PROM2: variants seen among roughly 807,000 people sequenced by gnomAD.
PROM2 encodes the protein prominin 2.
Under a neutral mutation model 110.2 loss-of-function variants are expected in PROM2, and 90 were observed. The ratio of observed to expected loss-of-function variants is 0.82; its 90% CI spans 0.69 to 0.97. The LOEUF is 0.97. PROM2 is among the 50% of genes least tolerant of loss of function. PROM2 has a pLI of 0.00. For missense variants in PROM2, 1,009 were observed against 1,074.8 expected, an observed-to-expected ratio of 0.94 and a Z score of 0.86; for synonymous variants, 470 against 467.8, an observed-to-expected ratio of 1.00 and a Z score of -0.06.
At chr2:95,280,908 A>C (rs1465396430) in intron 11 of PROM2, among the ~76,000 whole-genome samples, 5 of 151,924 alleles carry the variant, frequency 3.3e-5, no homozygotes, top group Admixed American at 6.6e-5. Context: ...CTGTCCTCCC[A>C]CCTCAACCTC....
intron 8 of PROM2, 181 bp from the exon 9 acceptor site, chr2:95,278,540 C>G (rs192078263): frequency 1.5e-6 from 1 of 687,664 alleles, no homozygotes; most frequent in Non-Finnish European, 2.6e-6. Flanking sequence ...GGAGGAGCAA[C>G]GTTTTGGGAA....
chr2:95,287,704 T>C (rs185208215), intron 20 of PROM2, among the ~76,000 whole-genome samples: 1 of 152,290 alleles, frequency 6.6e-6, no homozygotes, highest in East Asian at 1.9e-4. Context: ...CTCCAAAATG[T>C]TTCATCACAC....
intron 20 of PROM2, among the ~76,000 whole-genome samples, chr2:95,287,859 G>C (rs1333821082): frequency 6.6e-6 from 1 of 152,176 alleles, no homozygotes; most frequent in Non-Finnish European, 1.5e-5. Flanking sequence ...CAGTGGTCTG[G>C]TTTTACCCTG....
chr2:95,276,158 A>G lies in PROM2; in HGVS notation c.497+26A>G. 6.2e-7 allele frequency: 1 copy of G among 1,612,066 alleles called. No homozygotes were observed. The highest frequency in any genetic ancestry group is 8.5e-7 in the Non-Finnish European group (1 of 1,178,908). On this transcript the variant is annotated intron_variant, in intron 3 of 23. Coordinates refer to ENST00000317620, the MANE Select transcript of PROM2 (RefSeq NM_001165978.3). The surrounding 1 kb of genome is among the most constrained non-coding windows in gnomAD (Gnocchi z 4.6). ...GTAAGGCGCTGCCCAGGGCCCGGGTAGGGCGGGCTGTGGCCCCCAGGCTCC... is the reference window on the plus strand; with the variant it reads ...GTAAGGCGCTGCCCAGGGCCCGGGTGGGGCGGGCTGTGGCCCCCAGGCTCC...
rs201105654 is a variant in PROM2 at position 95,274,801 on chromosome 2, G to A, written c.216G>A (p.Ser72=). 228 of 1,601,330 alleles carry A rather than the reference G, an allele frequency of 1.4e-4. No homozygotes were observed. In the East Asian group the frequency reaches 3.5e-3, roughly 25 times the overall value. Residue 72 remains serine (S), a synonymous_variant, in exon 1 of 24, where the codon TCG becomes TCA. Transcript: ENST00000317620. ...SLYGTVRRFL[S]VVQLNPFPSE... is the part of the protein sequence containing the mutation. ...ATGGCACCGTGCGCCGCTTCCTCTC[G>A]GTGGTGCAGCTCAATCCTTTCCCTT...
intron 11 of PROM2, among the ~76,000 whole-genome samples, chr2:95,280,840 C>A (rs1175615335): frequency 6.6e-6 from 1 of 152,170 alleles, no homozygotes; most frequent in Non-Finnish European, 1.5e-5. Context: ...GACATGGTCT[C>A]ACTTATTGCC....
Position 95,275,370 on chromosome 2 carries a change from A to G in PROM2, c.245-91A>G. 2.3e-6 allele frequency: 3 copies of G among 1,297,106 alleles called. No individual in the cohort carries two copies. Among genetic ancestry groups the G allele is most frequent in the Non-Finnish European group, 3.2e-6 (3 of 926,446 alleles). The allele number at this position is 1,297,106 out of a possible 1,614,324, so 80.3% of individuals were successfully genotyped here. A position where few individuals can be genotyped will look rare whatever the true frequency, so the allele number is the denominator to read the frequency against. On this transcript the variant is annotated intron_variant, in intron 1 of 23. Transcript: ENST00000317620. This position sits in a 1 kb window ranked among gnomAD's most constrained non-coding sequence, Gnocchi z 4.4. The stretch of plus-strand genomic sequence containing the variant: ...ATGGTGGTGGCAGGAGCCCTGCCTC[A>G]GAGCCACTTTGCCCTGGCAGTGGGG...
chr2:95,281,108 C>T (rs1188762090), intron 11 of PROM2, 134 bp from the exon 12 acceptor site: 3 of 1,234,264 alleles, frequency 2.4e-6, no homozygotes, highest in African/African-American at 3.0e-5. Context: ...GTCCTCCAAG[C>T]TCCTTTCCTC....
intron 10 of PROM2, 43 bp from the exon 11 acceptor site, chr2:95,279,802 G>T: frequency 7.3e-7 from 1 of 1,376,424 alleles, no homozygotes. Context: ...GTTGGTGCCA[G>T]CCACCTCCTT....
chr2:95,276,516 G>A lies in PROM2; in HGVS notation c.619-78G>A. 6.2e-7 allele frequency: 1 copy of A among 1,607,618 alleles called. No individual in the cohort carries two copies. Among genetic ancestry groups the A allele is most frequent in the Non-Finnish European group, 8.5e-7 (1 of 1,174,602 alleles). ...CTCAGGGTGGATGCCATAGGGGCAGGGAAGGGGCCAGGGAGAGAAGGGCGT... is the reference window on the plus strand; with the variant it reads ...CTCAGGGTGGATGCCATAGGGGCAGAGAAGGGGCCAGGGAGAGAAGGGCGT... On this transcript the variant is annotated intron_variant, in intron 4 of 23. Coordinates refer to ENST00000317620, the MANE Select transcript of PROM2 (RefSeq NM_001165978.3). This position sits in a 1 kb window ranked among gnomAD's most constrained non-coding sequence, Gnocchi z 4.6.
intron 15 of PROM2, among the ~76,000 whole-genome samples, 177 bp downstream of exon 15, chr2:95,285,292 C>T (rs1677287786): frequency 6.6e-6 from 1 of 152,180 alleles, no homozygotes; most frequent in South Asian, 2.1e-4. Context: ...GTCCTCCTGC[C>T]ACCACCCCGG....
chr2:95,288,513 A>T lies in PROM2; in HGVS notation c.2365A>T (p.Thr789Ser). The change falls in exon 22 of 24, where the codon ACC (threonine) becomes TCC (serine). Residue 789 changes from threonine to serine, a missense_variant. Coordinates refer to ENST00000317620, the MANE Select transcript of PROM2 (RefSeq NM_001165978.3). The part of the protein sequence containing the change: ...NAFWFCLAWC[T>S]FFLIPSIIFA... ...CTTCTGGTTCTGCCTGGCATGGTGCACCTTCTTCCTGATCCCCAGCATCAT... is the reference window on the plus strand; with the variant it reads ...CTTCTGGTTCTGCCTGGCATGGTGCTCCTTCTTCCTGATCCCCAGCATCAT... 1 of 1,614,160 alleles carries T rather than the reference A, an allele frequency of 6.2e-7. No individual in the cohort carries two copies. The highest frequency in any genetic ancestry group is 1.7e-4 in the Middle Eastern group (1 of 6,060).
chr2:95,280,290 TGCCAACCCCAGACTAGACGGTCTCTAAG>T (rs915445767), intron 11 of PROM2, among the ~76,000 whole-genome samples: 1 of 152,174 alleles, frequency 6.6e-6, no homozygotes, highest in African/African-American at 2.4e-5. Flanking sequence ...GGAATCTGTT[TGCCAACCCCAGACTAGACGGTCTCTAAG>T]GCCAAGGCTG....
At chr2:95,286,431 G>T (rs769210005) in intron 16 of PROM2, 48 bp from the exon 17 acceptor site, 3 of 1,532,602 alleles carry the variant, frequency 2.0e-6, no homozygotes, top group African/African-American at 1.4e-5. Flanking sequence ...CTGGGTGACG[G>T]GTAGATGGGT....
At position 95,287,474 on chromosome 2, in the gene PROM2, G is replaced by A. The variant is rs749561073; in HGVS notation, c.2244+10G>A. 2 of 1,613,034 alleles carry A rather than the reference G, an allele frequency of 1.2e-6. No individual in the cohort carries two copies. Among genetic ancestry groups the A allele is most frequent in the South Asian group, 2.2e-5 (2 of 91,040 alleles). On this transcript the variant is annotated intron_variant, in intron 20 of 23. Coordinates refer to ENST00000317620, the MANE Select transcript of PROM2 (RefSeq NM_001165978.3). Reference sequence around the variant, plus strand: ...CTGGGTGAGAGAGGAGGTGAGTGGGGCCTCAGAAGCAATGACTGATTCCCT... The same window carrying A: ...CTGGGTGAGAGAGGAGGTGAGTGGGACCTCAGAAGCAATGACTGATTCCCT...
chr2:95,285,544 T>C (rs1274786083), intron 15 of PROM2, 95 bp from the exon 16 acceptor site: 4 of 1,009,414 alleles, frequency 4.0e-6, no homozygotes, highest in Admixed American at 4.6e-5. Context: ...TAGGTTATAT[T>C]TGATAAGACT....
chr2:95,277,294 T>G (rs1573446827), intron 6 of PROM2, 70 bp from the exon 7 acceptor site: 1 of 1,489,152 alleles, frequency 6.7e-7, no homozygotes, highest in Non-Finnish European at 9.1e-7. Flanking sequence ...GGGAGGGGAG[T>G]TCTGCCTCCT....
In PROM2 at chr2:95,290,028, G is replaced by GTGC. The variant is rs1677609724; in HGVS notation, c.*818_*820dup. On this transcript the variant is annotated 3_prime_UTR_variant, in exon 24 of 24. Transcript: ENST00000317620. ...GTACCAGCACTTAGCTTCTCTCTGAGTGCTGGCTCCCAAGGAAGGGACCTG... is the reference window on the plus strand; with the variant it reads ...GTACCAGCACTTAGCTTCTCTCTGAGTGCTGCTGGCTCCCAAGGAAGGGACCTG... 2 of 152,430 alleles carry GTGC rather than the reference G, an allele frequency of 1.3e-5. No individual in the cohort carries two copies. The highest frequency in any genetic ancestry group is 2.9e-5 in the Non-Finnish European group (2 of 68,106). The allele number at this position is 152,430 out of a possible 1,614,324, so 9.4% of individuals were successfully genotyped here.
In PROM2 at chr2:95,289,288, A is replaced by G. The variant is rs929754384; in HGVS notation, c.*75A>G. ...TTAGCCTGGGCCACAGGACTTCGGT[A>G]GCTCTTGCCCCAGAGCCCAGGCTGG... On this transcript the variant is annotated 3_prime_UTR_variant, in exon 24 of 24. Coordinates refer to ENST00000317620, the MANE Select transcript of PROM2 (RefSeq NM_001165978.3). 9.6e-5 allele frequency: 47 copies of G among 487,072 alleles called. No homozygotes were observed. In the Middle Eastern group the frequency reaches 1.7e-3, roughly 18 times the overall value. 30.2% of individuals were successfully genotyped at this position (487,072 alleles called of 1,614,324 possible). A position where few individuals can be genotyped will look rare whatever the true frequency, so the allele number is the denominator to read the frequency against.
Sources: allele counts gnomAD v4.1 joint callset (sites outside exome capture counted in the v4.1 genomes callset), GRCh38; gene constraint gnomAD v4.1.1; non-coding constraint Gnocchi (gnomAD v3.1); transcripts MANE v1.5; gene names NCBI Gene and HGNC (gene_info 2026-07-23, HGNC 2026-07-21).